LRIT2: variants seen among roughly 807,000 people sequenced by gnomAD.
The protein encoded by LRIT2 is leucine rich repeat, Ig-like and transmembrane domains 2.
Under a neutral mutation model 22.4 loss-of-function variants are expected in LRIT2, and 23 were observed. The ratio of observed to expected loss-of-function variants is 1.03; its 90% CI spans 0.74 to 1.45. The LOEUF is 1.45. LRIT2 is among the 40% of genes most tolerant of loss of function. LRIT2 has a pLI of 0.00. For missense variants in LRIT2, 784 were observed against 665.6 expected, an observed-to-expected ratio of 1.18 and a Z score of -1.96; for synonymous variants, 291 against 267.1, an observed-to-expected ratio of 1.09 and a Z score of -0.87.
Position 84,225,007 on chromosome 10 carries a change from C to T in LRIT2, c.218G>A (p.Gly73Glu). ...ENSPLFEMPQGSFINMSTLEY... is the reference protein window; with the variant it reads ...ENSPLFEMPQESFINMSTLEY... ...CAAGGTGCTCATGTTGATGAAAGAC[C>T]CTTGGGGCATCTCAAATAAGGGTGA... Residue 73 changes from glycine (G) to glutamate (E), a missense_variant, in exon 2 of 3, where the codon GGG (glycine) becomes GAG (glutamate). Transcript: ENST00000372113. 1.9e-6 allele frequency: 3 copies of T among 1,614,014 alleles called. No homozygotes were observed. The highest frequency in any genetic ancestry group is 2.5e-6 in the Non-Finnish European group (3 of 1,180,004).
Position 84,222,343 on chromosome 10 carries a change from G to A in LRIT2, c.1230C>T (p.His410=), listed in dbSNP as rs138571542. The A allele has an allele frequency of 8.7e-6, 14 of 1,614,196 alleles. No homozygotes were observed. In the African/African-American group the frequency reaches 1.9e-4, roughly 22 times the overall value. ...SDEAFRKEVV[H]IGPGINTYAV... ...CATAAGTATTGATTCCGGGGCCAAT[G>A]TGAACCACCTCCTTCCTGAAGGCTT... The change falls in exon 3 of 3, where the codon CAC becomes CAT. Residue 410 remains histidine (H), a synonymous_variant. Coordinates refer to ENST00000372113, the MANE Select transcript of LRIT2 (RefSeq NM_001017924.5).
rs759197949 is a variant in LRIT2, at chr10:84,224,547, A to T, written c.678T>A (p.Asn226Lys). 6.2e-7 allele frequency: 1 copy of T among 1,614,096 alleles called. No individual in the cohort carries two copies. The highest frequency in any genetic ancestry group is 8.5e-7 in the Non-Finnish European group (1 of 1,179,952). ...KSITLPVILVNSYLICQGPLS... is the reference protein window; with the variant it reads ...KSITLPVILVKSYLICQGPLS... ...GAGGGCCCTGACATATCAGGTAGGA[A>T]TTCACCAGGATGACTGGGAGGGTAA... Residue 226 changes from asparagine (N) to lysine (K), a missense_variant, in exon 2 of 3, where the codon AAT becomes AAA. Coordinates refer to ENST00000372113, the MANE Select transcript of LRIT2 (RefSeq NM_001017924.5).
At chr10:84,222,735 AGTGT>A in intron 2 of LRIT2, 55 bp from the exon 3 acceptor site, 2 of 1,595,866 alleles carry the variant, frequency 1.3e-6, no homozygotes, top group Non-Finnish European at 1.7e-6. Context: ...ACTGCTGGAA[AGTGT>A]CTAGCAATGC....
Position 84,222,688 on chromosome 10 carries a change from G to A in LRIT2, c.893-8C>T, listed in dbSNP as rs771370312. 3 of 1,612,096 alleles carry A rather than the reference G, an allele frequency of 1.9e-6. No individual in the cohort carries two copies. The highest frequency in any genetic ancestry group is 3.3e-5 in the Admixed American group (2 of 59,926). ...CAGTAGAAGATGTCAACACTGGGTG[G>A]AAAGAAAAACAAAACAGCTGTGCAT... On this transcript the variant is annotated splice_polypyrimidine_tract_variant and splice_region_variant and intron_variant, in intron 2 of 2. Transcript: ENST00000372113.
rs915788491 is a variant in LRIT2, at chr10:84,221,472, A to T, written c.*448T>A. 6.5e-5 allele frequency: 10 copies of T among 152,738 alleles called. No individual in the cohort carries two copies. The highest frequency in any genetic ancestry group is 2.4e-4 in the African/African-American group (10 of 41,484). The allele number at this position is 152,738 out of a possible 1,614,324, so 9.5% of individuals were successfully genotyped here. A position where few individuals can be genotyped will look rare whatever the true frequency, so the allele number is the denominator to read the frequency against. On this transcript the variant is annotated 3_prime_UTR_variant, in exon 3 of 3. Transcript: ENST00000372113. ...TTGAATGGGGCTTCTGCCTCCTGCC[A>T]GATGTGGACTCTGGGTGTATCATTG...
chr10:84,223,878 T>C (rs994955778), intron 2 of LRIT2, among the ~76,000 whole-genome samples: 3 of 152,220 alleles, frequency 2.0e-5, no homozygotes, highest in Non-Finnish European at 4.4e-5. Context: ...TATGTCAGTG[T>C]TATTTCAAAC....
In LRIT2 at chr10:84,222,074, C is replaced by A; in HGVS notation, c.1499G>T (p.Cys500Phe). 1 of 1,610,254 alleles carries A rather than the reference C, an allele frequency of 6.2e-7. No homozygotes were observed. The highest frequency in any genetic ancestry group is 8.5e-7 in the Non-Finnish European group (1 of 1,177,908). The change falls in exon 3 of 3, where the codon TGT (cysteine) becomes TTT (phenylalanine). Residue 500 changes from cysteine to phenylalanine, a missense_variant. Coordinates refer to ENST00000372113, the MANE Select transcript of LRIT2 (RefSeq NM_001017924.5). ...CSCSKWVLRG[C>F]LHRRKAPSCT... ...GCTGGGGGCTTTCCTGCGATGAAGA[C>A]AGCCGCGCAGGACCCACTTGCTGCA...
rs1842503858 is a variant in LRIT2 at position 84,221,427 on chromosome 10, CGA to C, written c.*491_*492del. ...ACCGCAAAACAGGCATTCAAGGAAA[CGA>C]TGGAACTGGAACCTCTTTTGAATGG... On this transcript the variant is annotated 3_prime_UTR_variant, in exon 3 of 3. Transcript: ENST00000372113. 6.6e-6 allele frequency: 1 copy of C among 152,380 alleles called. No homozygotes were observed. Among genetic ancestry groups the C allele is most frequent in the Admixed American group, 6.5e-5 (1 of 15,282 alleles). The allele number at this position is 152,380 out of a possible 1,614,324, so 9.4% of individuals were successfully genotyped here.
Position 84,224,360 on chromosome 10 carries a change from G to C in LRIT2, c.865C>G (p.Pro289Ala), listed in dbSNP as rs768254427. The part of the protein sequence containing the change: ...SPSPSIAWTY[P>A]LSMWREFDVL... ...TCAAATTCTCTCCACATACTCAGGG[G>C]ATAAGTCCATGCAATGGATGGTGAG... Residue 289 changes from proline (P) to alanine (A), a missense_variant, in exon 2 of 3, where the codon CCC becomes GCC. Pro to Ala is a conservative substitution (Grantham distance 27). Coordinates refer to ENST00000372113, the MANE Select transcript of LRIT2 (RefSeq NM_001017924.5). 10 of 1,613,784 alleles carry C rather than the reference G, an allele frequency of 6.2e-6. No individual in the cohort carries two copies. In the East Asian group the frequency reaches 2.0e-4, roughly 32 times the overall value.
chr10:84,221,442 C>A lies in LRIT2; in HGVS notation c.*478G>T, dbSNP rs1314668406. ...TTCAAGGAAACGATGGAACTGGAAC[C>A]TCTTTTGAATGGGGCTTCTGCCTCC... On this transcript the variant is annotated 3_prime_UTR_variant, in exon 3 of 3. Transcript: ENST00000372113. 1 of 152,494 alleles carries A rather than the reference C, an allele frequency of 6.6e-6. No individual in the cohort carries two copies. Among genetic ancestry groups the A allele is most frequent in the South Asian group, 2.1e-4 (1 of 4,838 alleles). 9.4% of individuals were successfully genotyped at this position (152,494 alleles called of 1,614,324 possible). A position where few individuals can be genotyped will look rare whatever the true frequency, so the allele number is the denominator to read the frequency against.
Position 84,222,993 on chromosome 10 carries a change from C to A in LRIT2, c.893-313G>T, listed in dbSNP as rs904853968. 7 of 627,894 alleles carry A rather than the reference C, an allele frequency of 1.1e-5. No individual in the cohort carries two copies. The African/African-American group carries it at 1.3e-4, about 11-fold the overall frequency. The allele number at this position is 627,894 out of a possible 1,614,324, so 38.9% of individuals were successfully genotyped here. ...CTCTTCAATCTATGAAGACCATACT[C>A]TTTCAACTTCACTAACTGCACCCAC... On this transcript the variant is annotated intron_variant, in intron 2 of 2. Coordinates refer to ENST00000372113, the MANE Select transcript of LRIT2 (RefSeq NM_001017924.5).
intron 1 of LRIT2, 88 bp from the exon 2 acceptor site, chr10:84,225,202 C>A: frequency 1.5e-6 from 2 of 1,304,758 alleles, no homozygotes; most frequent in Admixed American, 2.3e-5. Context: ...ACATGTGAAT[C>A]AGAATAAAAA....
rs765371341 is a variant in LRIT2 at position 84,222,179 on chromosome 10, T to C, written c.1394A>G (p.His465Arg). The change falls in exon 3 of 3, where the codon CAT becomes CGT. Residue 465 changes from histidine (H) to arginine (R), a missense_variant. By Grantham distance (29) the His-to-Arg change is conservative. Transcript: ENST00000372113. ...GGLEAREHLL[H>R]VTVVLCVVLL... Reference sequence around the variant, plus strand: ...CACCACACACAGGACCACTGTGACATGCAGGAGGTGCTCACGTGCCTCTAG... The same window carrying C: ...CACCACACACAGGACCACTGTGACACGCAGGAGGTGCTCACGTGCCTCTAG... 14 of 1,614,028 alleles carry C rather than the reference T, an allele frequency of 8.7e-6. No homozygotes were observed. The highest frequency in any genetic ancestry group is 1.2e-5 in the Non-Finnish European group (14 of 1,180,034).
In LRIT2 at chr10:84,222,579, A is replaced by G. The variant is rs1589316272; in HGVS notation, c.994T>C (p.Ser332Pro). The G allele has an allele frequency of 1.2e-6, 2 of 1,614,036 alleles. No individual in the cohort carries two copies. The highest frequency in any genetic ancestry group is 1.7e-6 in the Non-Finnish European group (2 of 1,180,008). The change falls in exon 3 of 3, where the codon TCC becomes CCC. Residue 332 changes from serine (S) to proline (P), a missense_variant. Coordinates refer to ENST00000372113, the MANE Select transcript of LRIT2 (RefSeq NM_001017924.5). ...SGNYTCMASN[S>P]IGKSNLVISL... ...ATTACAAGGTTGCTCTTGCCAATGG[A>G]GTTGGAGGCCATGCAGGTGTAATTA...
intron 2 of LRIT2, 27 bp from the exon 3 acceptor site, chr10:84,222,707 T>C (rs201166670): frequency 1.2e-6 from 2 of 1,611,292 alleles, no homozygotes. Flanking sequence ...ACAAAACAGC[T>C]GTGCATTTAT....
chr10:84,221,721 A>G lies in LRIT2; in HGVS notation c.*199T>C. 2.3e-6 allele frequency: 1 copy of G among 430,242 alleles called. No individual in the cohort carries two copies. Among genetic ancestry groups the G allele is most frequent in the Non-Finnish European group, 4.1e-6 (1 of 245,064 alleles). The allele number at this position is 430,242 out of a possible 1,614,324, so 26.7% of individuals were successfully genotyped here. A position where few individuals can be genotyped will look rare whatever the true frequency, so the allele number is the denominator to read the frequency against. ...CTTCATTGACTTTAACTTTACGAAG[A>G]TAATGACTATGTCCCCTTTATCATG... On this transcript the variant is annotated 3_prime_UTR_variant, in exon 3 of 3. Transcript: ENST00000372113.
Position 84,221,141 on chromosome 10 carries a change from T to G in LRIT2, c.*779A>C, listed in dbSNP as rs1336653775. 1 of 152,254 alleles carries G rather than the reference T, an allele frequency of 6.6e-6. No individual in the cohort carries two copies. The highest frequency in any genetic ancestry group is 2.4e-5 in the African/African-American group (1 of 41,452). 9.4% of individuals were successfully genotyped at this position (152,254 alleles called of 1,614,324 possible). A position where few individuals can be genotyped will look rare whatever the true frequency, so the allele number is the denominator to read the frequency against. On this transcript the variant is annotated 3_prime_UTR_variant, in exon 3 of 3. Coordinates refer to ENST00000372113, the MANE Select transcript of LRIT2 (RefSeq NM_001017924.5). ...GTGCTCTTCCTTCTGGGTATGGCCCTGCAGAGTCTGCTCTCTGCCAGACCC... is the reference window on the plus strand; with the variant it reads ...GTGCTCTTCCTTCTGGGTATGGCCCGGCAGAGTCTGCTCTCTGCCAGACCC...
rs199723896 is a variant in LRIT2, at chr10:84,222,224, G to T, written c.1349C>A (p.Thr450Lys). 4 of 1,614,236 alleles carry T rather than the reference G, an allele frequency of 2.5e-6. No homozygotes were observed. ...CTCTAGCCCACCAGCATCTCTGCCT[G>T]TTACAAAAGCTACACACTGGCCCTG... The part of the protein sequence containing the change: ...PHQGQCVAFV[T>K]GRDAGGLEAR... The change falls in exon 3 of 3, where the codon ACA becomes AAA. Residue 450 changes from threonine (T) to lysine (K), a missense_variant. Coordinates refer to ENST00000372113, the MANE Select transcript of LRIT2 (RefSeq NM_001017924.5).
At position 84,222,051 on chromosome 10, in the gene LRIT2, T is replaced by TGGGGG. The variant is rs748327683; in HGVS notation, c.1517_1521dup (p.Ser508ProfsTer30). On this transcript the variant is annotated frameshift_variant, in exon 3 of 3. Coordinates refer to ENST00000372113, the MANE Select transcript of LRIT2 (RefSeq NM_001017924.5). LOFTEE classifies it low-confidence loss of function (END_TRUNC). ...GACTGCGGGGCTGCAGGGGTGCAGC[T>TGGGGG]GGGGGCTTTCCTGCGATGAAGACAG... 22 of 1,611,016 alleles carry TGGGGG rather than the reference T, an allele frequency of 1.4e-5. No homozygotes were observed. The highest frequency in any genetic ancestry group is 1.8e-5 in the Non-Finnish European group (21 of 1,178,324).
Sources: allele counts gnomAD v4.1 joint callset (sites outside exome capture counted in the v4.1 genomes callset), GRCh38; gene constraint gnomAD v4.1.1; transcripts MANE v1.5; gene names NCBI Gene and HGNC (gene_info 2026-07-23, HGNC 2026-07-21).